The following CRYL1 variants were observed in gnomAD, a reference collection of about 807,000 sequenced individuals.
The protein encoded by CRYL1 is crystallin lambda 1.
A neutral mutation model predicts 36.6 loss-of-function variants in CRYL1; 29 were observed. The observed-to-expected ratio is 0.79, with a 90% CI of 0.59 to 1.08. The LOEUF is 1.08. CRYL1 is among the 50% of genes least tolerant of loss of function. The pLI is 0.00. For missense variants in CRYL1, 411 were observed against 407.9 expected (o/e 1.01, Z -0.06); for synonymous variants, 152 against 151.5 (o/e 1.00, Z -0.02).
chr13:20,509,801 T>G (rs929032628), intron 2 of CRYL1, among the ~76,000 whole-genome samples: 6 of 151,888 alleles, frequency 4.0e-5, no homozygotes, highest in Non-Finnish European at 8.8e-5. Context: ...GTAGTGGCAG[T>G]CGCCTGTAAT....
At position 20,512,452 on chromosome 13, in the gene CRYL1, T is replaced by C; in HGVS notation, c.140A>G (p.Glu47Gly). 1.2e-6 allele frequency: 2 copies of C among 1,613,464 alleles called. No individual in the cohort carries two copies. Among genetic ancestry groups the C allele is most frequent in the African/African-American group, 2.7e-5 (2 of 75,042 alleles). ...IEQQQIRNAL[E>G]NIRKEMKLLE... The stretch of plus-strand genomic sequence containing the variant: ...GCGCCGGCTGGCCCACCTGATGTTT[T>C]CCAGGGCGTTCCTTATCTGCTGTTG... The change falls in exon 2 of 8, where the codon GAA becomes GGA. Residue 47 changes from glutamate to glycine, a missense_variant. Transcript: ENST00000298248.
intron 3 of CRYL1, among the ~76,000 whole-genome samples, chr13:20,454,981 G>A (rs1011404797): frequency 6.6e-6 from 1 of 152,106 alleles, no homozygotes; most frequent in East Asian, 1.9e-4. Flanking sequence ...GATATAAAAA[G>A]CATATAGATT....
At chr13:20,409,860 A>G (rs1202299814) in intron 6 of CRYL1, among the ~76,000 whole-genome samples, 3 of 152,118 alleles carry the variant, frequency 2.0e-5, no homozygotes, top group Admixed American at 1.3e-4. Flanking sequence ...TTAGAATGGC[A>G]ATCATTAAAA....
At chr13:20,524,695 A>G (rs1475915483) in intron 1 of CRYL1, among the ~76,000 whole-genome samples, 1 of 152,032 alleles carries the variant, frequency 6.6e-6, no homozygotes, top group Admixed American at 6.5e-5. Flanking sequence ...ACTTTTTAAT[A>G]TGCCTTCACT....
chr13:20,461,991 G>A lies in CRYL1; in HGVS notation c.277-22237C>T, dbSNP rs553833618. ...AGGGCAGCCTGGGGGAGGAGGAGGC[G>A]GGAGGACTGCCTGGTGGGAGGAGGG... On this transcript the variant is annotated intron_variant, in intron 3 of 7. Transcript: ENST00000298248. Among the ~76,000 whole-genome samples the A allele has an allele frequency of 1.1e-3, 153 of 141,492 alleles. 3 individuals are homozygous for A. Among genetic ancestry groups the A allele is most frequent in the Middle Eastern group, 3.8e-3 (1 of 262 alleles). 92.8% of individuals were successfully genotyped at this position (141,492 alleles called of 152,430 possible). A position where few individuals can be genotyped will look rare whatever the true frequency, so the allele number is the denominator to read the frequency against.
At position 20,439,767 on chromosome 13, in the gene CRYL1, CG is replaced by C; in HGVS notation, c.277-14del. 6.2e-7 allele frequency: 1 copy of C among 1,612,996 alleles called. No homozygotes were observed. The highest frequency in any genetic ancestry group is 8.5e-7 in the Non-Finnish European group (1 of 1,179,130). Reference sequence around the variant, plus strand: ...CTGGAACACATTCCTGAAAAGGACACGTTTAAATGACTATTCATGACCACTC... The same window carrying C: ...CTGGAACACATTCCTGAAAAGGACACTTTAAATGACTATTCATGACCACTC... On this transcript the variant is annotated splice_polypyrimidine_tract_variant and intron_variant, in intron 3 of 7. Transcript: ENST00000298248.
At chr13:20,516,496 T>C (rs76415328) in intron 1 of CRYL1, among the ~76,000 whole-genome samples, 101 of 152,132 alleles carry the variant, frequency 6.6e-4, no homozygotes, top group African/African-American at 2.3e-3. Flanking sequence ...CTTTTTTTTT[T>C]TGAAATGGAG....
At chr13:20,450,610 G>A (rs1466836038) in intron 3 of CRYL1, among the ~76,000 whole-genome samples, 1 of 152,176 alleles carries the variant, frequency 6.6e-6, no homozygotes, top group Non-Finnish European at 1.5e-5. Context: ...TACACTGTTG[G>A]TGGGACTGTA....
intron 1 of CRYL1, among the ~76,000 whole-genome samples, chr13:20,516,924 A>C (rs1239458380): frequency 6.6e-6 from 1 of 152,160 alleles, no homozygotes; most frequent in African/African-American, 2.4e-5. Flanking sequence ...AAAATTTTAA[A>C]TTAGCTGGGT....
intron 3 of CRYL1, among the ~76,000 whole-genome samples, chr13:20,444,081 C>T (rs920469913): frequency 2.6e-5 from 4 of 152,162 alleles, no homozygotes; most frequent in Non-Finnish European, 4.4e-5. Flanking sequence ...TAATAGACTG[C>T]TGTGACAACA....
intron 1 of CRYL1, among the ~76,000 whole-genome samples, chr13:20,515,129 C>T (rs1184265974): frequency 3.9e-5 from 6 of 152,092 alleles, no homozygotes; most frequent in Non-Finnish European, 7.4e-5. Context: ...ATAAAATGTC[C>T]GGAATAGACA....
At chr13:20,521,537 C>G (rs1158356367) in intron 1 of CRYL1, among the ~76,000 whole-genome samples, 1 of 152,162 alleles carries the variant, frequency 6.6e-6, no homozygotes, top group African/African-American at 2.4e-5. Flanking sequence ...TTTTTTCCAA[C>G]CACTATATGC....
At chr13:20,510,950 T>C (rs999217403) in intron 2 of CRYL1, among the ~76,000 whole-genome samples, 1 of 152,150 alleles carries the variant, frequency 6.6e-6, no homozygotes, top group African/African-American at 2.4e-5. Flanking sequence ...TATGTATCCC[T>C]AGTGAACAGA....
chr13:20,426,948 C>T (rs1350700016), intron 5 of CRYL1: 2 of 985,442 alleles, frequency 2.0e-6, no homozygotes, highest in Non-Finnish European at 2.4e-6. Flanking sequence ...CAGGCAGAAC[C>T]CAAGGTCAGC....
In CRYL1 at chr13:20,481,366, A is replaced by G. The variant is rs1485626707; in HGVS notation, c.276+8004T>C. The stretch of plus-strand genomic sequence containing the variant: ...TGCATCATGTATGATTCCATTTTAC[A>G]TAACATTCTGGAGAAGGCAAAACTA... On this transcript the variant is annotated intron_variant, in intron 3 of 7. Coordinates refer to ENST00000298248, the MANE Select transcript of CRYL1 (RefSeq NM_015974.3). The surrounding 1 kb of genome is among the most constrained non-coding windows in gnomAD (Gnocchi z 4.1). Among the ~76,000 whole-genome samples the G allele has an allele frequency of 2.0e-5, 3 of 152,246 alleles. No individual in the cohort carries two copies. The highest frequency in any genetic ancestry group is 4.1e-4 in the South Asian group (2 of 4,836).
At chr13:20,470,392 A>G (rs1319066001) in intron 3 of CRYL1, among the ~76,000 whole-genome samples, 1 of 152,238 alleles carries the variant, frequency 6.6e-6, no homozygotes, top group Non-Finnish European at 1.5e-5. Flanking sequence ...CTGGGAAACC[A>G]CAGGGAAGGC....
At chr13:20,485,310 C>T (rs749651856) in intron 3 of CRYL1, among the ~76,000 whole-genome samples, 6 of 152,154 alleles carry the variant, frequency 3.9e-5, no homozygotes, top group Admixed American at 6.5e-5. Context: ...TGGACCACCA[C>T]GCCCAGCCTA....
intron 3 of CRYL1, among the ~76,000 whole-genome samples, chr13:20,457,897 C>G (rs2032723782): frequency 6.6e-6 from 1 of 152,182 alleles, no homozygotes; most frequent in Non-Finnish European, 1.5e-5. Context: ...GAGAAGTCAT[C>G]TGTGCAGTCT....
chr13:20,521,325 A>G (rs1225920497), intron 1 of CRYL1, among the ~76,000 whole-genome samples: 1 of 152,168 alleles, frequency 6.6e-6, no homozygotes, highest in Non-Finnish European at 1.5e-5. Context: ...AAGTACAAGG[A>G]GAGGGAATCT....
Sources: gnomAD v4.1 joint callset for allele counts (sites outside exome capture counted in the v4.1 genomes callset) on GRCh38, gnomAD v4.1.1 for gene constraint, Gnocchi (gnomAD v3.1) non-coding constraint, MANE v1.5 for transcripts, NCBI Gene and HGNC (gene_info 2026-07-23, HGNC 2026-07-21) for gene names.